AHRR: variants seen among roughly 807,000 people sequenced by gnomAD.
AHRR encodes the protein aryl hydrocarbon receptor repressor, also known as ahR repressor.
Under a neutral mutation model 44.0 loss-of-function variants are expected in AHRR, and 28 were observed. That is an observed-to-expected ratio of 0.64 (90% CI 0.47 to 0.87). The LOEUF is 0.87. Ranked by LOEUF, AHRR falls within the 40% of genes least tolerant of loss-of-function variation. The pLI, the probability that AHRR is intolerant of heterozygous loss-of-function variation, is 0.00. For synonymous variants in AHRR, 434 were observed against 407.0 expected (o/e 1.07, Z -0.80); for missense variants, 990 against 953.9 (o/e 1.04, Z -0.50).
At chr5:428,037 G>A (rs1262457037) in intron 8 of AHRR, 31 bp downstream of exon 8, 4 of 1,593,000 alleles carry the variant, frequency 2.5e-6, no homozygotes, top group Admixed American at 3.4e-5. Context: ...ACAGCCACAT[G>A]GTGCCTGCTG....
intron 8 of AHRR, among the ~76,000 whole-genome samples, chr5:428,402 A>G (rs117068493): frequency 1.3e-5 from 2 of 152,334 alleles, no homozygotes; most frequent in East Asian, 3.9e-4. Context: ...GCTGCAGGAC[A>G]TGCCGGAGAG....
In AHRR at chr5:383,341, C is replaced by T. The variant is rs1385459062; in HGVS notation, c.351+6625C>T. 6.6e-6 allele frequency among the ~76,000 whole-genome samples: 1 copy of T among 152,152 alleles called. No homozygotes were observed. Among genetic ancestry groups the T allele is most frequent in the African/African-American group, 2.4e-5 (1 of 41,436 alleles). ...CAACCTGAGAGAAGAATGTCAACAT[C>T]TTAAAGTACAATTGTGGATTTTTAT... On this transcript the variant is annotated intron_variant, in intron 4 of 10. Transcript: ENST00000684583. The surrounding 1 kb of genome is among the most constrained non-coding windows in gnomAD (Gnocchi z 4.0).
At chr5:376,181 T>G (rs1332396934) in intron 3 of AHRR, among the ~76,000 whole-genome samples, 1 of 116,726 alleles carries the variant, frequency 8.6e-6, no homozygotes, top group East Asian at 2.0e-4. Context: ...AGCCCAACAG[T>G]GCCGTGGGTC....
chr5:390,502 C>T (rs1004913372), intron 4 of AHRR, among the ~76,000 whole-genome samples: 6 of 152,186 alleles, frequency 3.9e-5, no homozygotes, highest in Non-Finnish European at 1.5e-5. Flanking sequence ...AGCAAAAGCC[C>T]TAACGATCCC....
chr5:404,359 C>A lies in AHRR; in HGVS notation c.352-8985C>A. 2.0e-6 allele frequency: 1 copy of A among 491,650 alleles called. No homozygotes were observed. Among genetic ancestry groups the A allele is most frequent in the South Asian group, 1.6e-5 (1 of 64,406 alleles). 30.5% of individuals were successfully genotyped at this position (491,650 alleles called of 1,614,324 possible). A position where few individuals can be genotyped will look rare whatever the true frequency, so the allele number is the denominator to read the frequency against. ...ACTCTTTTTTTTTTCTTTTTTCCTT[C>A]ATTCTGGGTGTCTTCAGTGGTCCTA... On this transcript the variant is annotated intron_variant, in intron 4 of 10. Transcript: ENST00000684583. This position sits in a 1 kb window ranked among gnomAD's most constrained non-coding sequence, Gnocchi z 4.1.
At chr5:389,079 C>T (rs1420317848) in intron 4 of AHRR, among the ~76,000 whole-genome samples, 1 of 152,070 alleles carries the variant, frequency 6.6e-6, no homozygotes, top group South Asian at 2.1e-4. Context: ...ACGATTCTCT[C>T]TCCTCAGGGA....
rs1270324982 is a variant in AHRR, at chr5:436,598, C to A, written c.*1764C>A. The A allele has an allele frequency of 6.6e-6, 1 of 152,448 alleles. No homozygotes were observed. The highest frequency in any genetic ancestry group is 1.5e-5 in the Non-Finnish European group (1 of 68,152). The allele number at this position is 152,448 out of a possible 1,614,324, so 9.4% of individuals were successfully genotyped here. A position where few individuals can be genotyped will look rare whatever the true frequency, so the allele number is the denominator to read the frequency against. On this transcript the variant is annotated 3_prime_UTR_variant, in exon 11 of 11. Coordinates refer to ENST00000684583, the MANE Select transcript of AHRR (RefSeq NM_001377236.1). ...CCAGAGTCACAGATCCATCGTGGCC[C>A]CCTATGACCCCCAAGCCCTACCGAG...
intron 8 of AHRR, among the ~76,000 whole-genome samples, chr5:430,211 G>A (rs748750813): frequency 5.9e-5 from 9 of 152,186 alleles, no homozygotes; most frequent in African/African-American, 1.4e-4. Flanking sequence ...TTTTAGATGC[G>A]GTCTTGACTG....
At chr5:386,199 C>T (rs371951309) in intron 4 of AHRR, among the ~76,000 whole-genome samples, 9 of 152,078 alleles carry the variant, frequency 5.9e-5, no homozygotes, top group African/African-American at 1.4e-4. Flanking sequence ...TGTGTCATTT[C>T]GGAGTTTATT....
intron 3 of AHRR, among the ~76,000 whole-genome samples, chr5:373,969 C>CGG (rs557903630): frequency 9.9e-5 from 15 of 150,864 alleles, no homozygotes; most frequent in Non-Finnish European, 1.6e-4. Flanking sequence ...CACGCGATGC[C>CGG]GGGAGGGGCG....
At position 333,051 on chromosome 5, in the gene AHRR, C is replaced by T. The variant is rs1341363575; in HGVS notation, c.-10-10842C>T. 4.0e-5 allele frequency among the ~76,000 whole-genome samples: 6 copies of T among 151,650 alleles called. 1 individual carries two copies. In the South Asian group the frequency reaches 6.3e-4, roughly 16 times the overall value. ...GAATGTATTTCCCCACCCCACCCCC[C>T]GCCTTTACTTTCAATCTGTATGTGT... is the stretch of plus-strand genomic sequence containing the variant. On this transcript the variant is annotated intron_variant, in intron 1 of 10. Coordinates refer to ENST00000684583, the MANE Select transcript of AHRR (RefSeq NM_001377236.1).
chr5:340,688 A>ATTTTTTT (rs539789608), intron 1 of AHRR, among the ~76,000 whole-genome samples: 12 of 12,918 alleles, frequency 9.3e-4, no homozygotes, highest in Non-Finnish European at 1.4e-3. Context: ...ATATATATAT[A>ATTTTTTT]TTTTTTTTTT....
At chr5:378,309 G>A (rs72711354) in intron 4 of AHRR, among the ~76,000 whole-genome samples, 3,527 of 152,320 alleles carry the variant, frequency 0.023, 67 homozygotes, top group Non-Finnish European at 0.038. Flanking sequence ...GCCTTGAGCC[G>A]GCACAGGCTT....
chr5:335,517 A>T lies in AHRR; in HGVS notation c.-10-8376A>T, dbSNP rs574660924. 3.3e-5 allele frequency among the ~76,000 whole-genome samples: 5 copies of T among 152,054 alleles called. No individual in the cohort carries two copies. The East Asian group carries it at 9.7e-4, about 30-fold the overall frequency. ...ACTCTGTCTTGTGGGCAGGCTGGGG[A>T]AGGGGGATGCTGGGCAGAGCTGGAC... On this transcript the variant is annotated intron_variant, in intron 1 of 10. Coordinates refer to ENST00000684583, the MANE Select transcript of AHRR (RefSeq NM_001377236.1).
At chr5:382,887 T>C (rs942553739) in intron 4 of AHRR, among the ~76,000 whole-genome samples, 3 of 152,186 alleles carry the variant, frequency 2.0e-5, no homozygotes, top group Non-Finnish European at 4.4e-5. Flanking sequence ...CCATTCTTAC[T>C]CTGTAATATA....
chr5:413,412 G>A lies in AHRR; in HGVS notation c.420G>A (p.Val140=), dbSNP rs1443415714. 6.2e-7 allele frequency: 1 copy of A among 1,613,482 alleles called. No homozygotes were observed. The highest frequency in any genetic ancestry group is 1.3e-5 in the African/African-American group (1 of 74,838). ...TATTTTATGCATCAGCAACGATCGT[G>A]GACTATCTGGGCTTCCATCAGGTAA... ...GTIFYASATI[V]DYLGFHQTDV... Residue 140 remains valine (V), a synonymous_variant, in exon 5 of 11, where the codon GTG becomes GTA. Coordinates refer to ENST00000684583, the MANE Select transcript of AHRR (RefSeq NM_001377236.1).
At chr5:428,087 T>C in intron 8 of AHRR, 81 bp downstream of exon 8, 1 of 1,439,036 alleles carries the variant, frequency 6.9e-7, no homozygotes, top group Non-Finnish European at 9.6e-7. Context: ...GTGTTTTCTG[T>C]GTCTTCTTTC....
At chr5:391,351 CG>C (rs1734422190) in intron 4 of AHRR, among the ~76,000 whole-genome samples, 1 of 107,284 alleles carries the variant, frequency 9.3e-6, no homozygotes, top group African/African-American at 3.6e-5. Context: ...GGGCGCAGGG[CG>C]AGGCAGGGCC....
At chr5:415,566 T>C (rs13188612) in intron 5 of AHRR, among the ~76,000 whole-genome samples, 79 of 107,382 alleles carry the variant, frequency 7.4e-4, no homozygotes, top group Non-Finnish European at 1.1e-3. Context: ...AGGGGCCGAA[T>C]CTGCCTGGTC....
Sources: allele counts gnomAD v4.1 joint callset (sites outside exome capture counted in the v4.1 genomes callset), GRCh38; gene constraint gnomAD v4.1.1; non-coding constraint Gnocchi (gnomAD v3.1); transcripts MANE v1.5; gene names NCBI Gene and HGNC (gene_info 2026-07-23, HGNC 2026-07-21).